Variants in TET2 observed in about 807,000 individuals in gnomAD.
TET2 encodes methylcytosine dioxygenase TET2.
In TET2, 299 loss-of-function variants were observed where a neutral mutation model predicts 142.9. The ratio of observed to expected loss-of-function variants is 2.09; its 90% CI spans 1.90 to 2.30. The LOEUF (loss-of-function observed/expected upper bound fraction) is 2.30, where lower values mean the gene tolerates loss of function less well. Among genes scored for constraint, TET2 ranks in the 30% most tolerant of loss-of-function variants. TET2 has a pLI of 0.00. For missense variants in TET2, 2,418 were observed against 2,378.0 expected (o/e 1.02, Z -0.35); for synonymous variants, 819 against 849.0 (o/e 0.96, Z 0.61).
intron 7 of TET2, among the ~76,000 whole-genome samples, chr4:105,260,695 C>T (rs1365721062): frequency 6.6e-6 from 1 of 152,080 alleles, no homozygotes; most frequent in Non-Finnish European, 1.5e-5. Flanking sequence ...CTTTCACTTA[C>T]TATTATAGTC....
rs1300192339 is a variant in TET2 at position 105,236,120 on chromosome 4, G to A, written c.2178G>A (p.Gln726=). 2.5e-6 allele frequency: 4 copies of A among 1,614,062 alleles called. No homozygotes were observed. The highest frequency in any genetic ancestry group is 3.4e-6 in the Non-Finnish European group (4 of 1,179,996). Residue 726 remains glutamine (Q), a synonymous_variant, in exon 3 of 11, where the codon CAG becomes CAA. Transcript: ENST00000380013. ...SHLLQHKPHK[Q]AAQTQPSQSS... ...TTTTGCAACATAAGCCTCATAAACA[G>A]GCAGCACAAACACAACCATCCCAGA...
At chr4:105,191,771 C>A (rs1164882231) in intron 2 of TET2, among the ~76,000 whole-genome samples, 1 of 152,230 alleles carries the variant, frequency 6.6e-6, no homozygotes, top group East Asian at 1.9e-4. Flanking sequence ...AGACACAGGG[C>A]AAGCGCATCT....
chr4:105,246,131 C>T (rs1049507304), intron 6 of TET2, among the ~76,000 whole-genome samples: 2 of 152,152 alleles, frequency 1.3e-5, no homozygotes, highest in Non-Finnish European at 2.9e-5. Context: ...CCATGTTGGC[C>T]AGATTGATCT....
chr4:105,190,113 C>T (rs537035591), intron 1 of TET2, among the ~76,000 whole-genome samples: 6 of 152,202 alleles, frequency 3.9e-5, no homozygotes, highest in African/African-American at 1.2e-4. Flanking sequence ...TTGATTATTG[C>T]GGTGAAGATG....
chr4:105,194,145 A>G (rs1380963707), intron 2 of TET2, among the ~76,000 whole-genome samples: 1 of 152,164 alleles, frequency 6.6e-6, no homozygotes, highest in East Asian at 1.9e-4. Context: ...AAAAAGTATT[A>G]GTGGTTTGTA....
chr4:105,156,275 G>C (rs913418835), intron 1 of TET2, among the ~76,000 whole-genome samples: 11 of 152,130 alleles, frequency 7.2e-5, no homozygotes, highest in African/African-American at 2.4e-4. Flanking sequence ...ATATTCAAAA[G>C]AAGAAAAATG....
At chr4:105,239,558 C>T (rs922566327) in intron 3 of TET2, 1 of 238,462 alleles carries the variant, frequency 4.2e-6, no homozygotes, top group Non-Finnish European at 8.9e-6. Context: ...CTTCCTCATT[C>T]TCTTCATAGA....
chr4:105,200,874 T>C (rs1726421243), intron 2 of TET2, among the ~76,000 whole-genome samples: 1 of 152,120 alleles, frequency 6.6e-6, no homozygotes, highest in African/African-American at 2.4e-5. Flanking sequence ...TTGGCCAGGA[T>C]GGTCTCTATC....
intron 5 of TET2, 38 bp downstream of exon 5, chr4:105,242,965 T>TG: frequency 6.6e-7 from 1 of 1,507,600 alleles, no homozygotes; most frequent in Non-Finnish European, 9.0e-7. Context: ...TCTTAAATCT[T>TG]GGGCATTTTG....
chr4:105,241,953 TC>T (rs368755200), intron 4 of TET2: 65,865 of 680,414 alleles, frequency 0.097, 240 homozygotes, highest in Middle Eastern at 0.11. Context: ...TTTTTTTTTT[TC>T]GCTATCAATC....
Position 105,272,750 on chromosome 4 carries a change from T to C in TET2, c.4369T>C (p.Leu1457=). Residue 1457 remains leucine, a synonymous_variant, in exon 10 of 11, where the codon TTA becomes CTA. Coordinates refer to ENST00000380013, the MANE Select transcript of TET2 (RefSeq NM_001127208.3). ...TTCTTTTCGGCGAAAAGTCAGGATGTTAGCAGAGCCAGTCAAGACTTGCCG... is the reference window on the plus strand; with the variant it reads ...TTCTTTTCGGCGAAAAGTCAGGATGCTAGCAGAGCCAGTCAAGACTTGCCG... ...LSSFRRKVRM[L]AEPVKTCRQR... is the part of the protein sequence containing the mutation. 6.4e-7 allele frequency: 1 copy of C among 1,551,672 alleles called. No individual in the cohort carries two copies.
chr4:105,236,009 C>G lies in TET2; in HGVS notation c.2067C>G (p.Ser689=). Residue 689 remains serine, a synonymous_variant, in exon 3 of 11, where the codon TCC becomes TCG. Coordinates refer to ENST00000380013, the MANE Select transcript of TET2 (RefSeq NM_001127208.3). The stretch of plus-strand genomic sequence containing the variant: ...TTCATTTTCAACAAAGAGCAGATTC[C>G]CAAACTGAAAAACTTATGTCCCCAG... ...TRFHFQQRAD[S]QTEKLMSPVL... 1 of 1,614,166 alleles carries G rather than the reference C, an allele frequency of 6.2e-7. No individual in the cohort carries two copies. The highest frequency in any genetic ancestry group is 8.5e-7 in the Non-Finnish European group (1 of 1,180,022).
chr4:105,270,895 T>C (rs147253634), intron 9 of TET2, among the ~76,000 whole-genome samples: 193 of 152,280 alleles, frequency 1.3e-3, no homozygotes, highest in African/African-American at 4.5e-3. Context: ...TAAAGTCATA[T>C]TCTAGGGCAG....
intron 2 of TET2, among the ~76,000 whole-genome samples, chr4:105,228,407 T>C (rs1388571641): frequency 6.6e-6 from 1 of 152,154 alleles, no homozygotes; most frequent in Non-Finnish European, 1.5e-5. Context: ...ATGGCCATTG[T>C]GTTTAAAACT....
chr4:105,199,085 AAG>A (rs1252675846), intron 2 of TET2, among the ~76,000 whole-genome samples: 1 of 152,162 alleles, frequency 6.6e-6, no homozygotes, highest in Non-Finnish European at 1.5e-5. Flanking sequence ...TTACTGTAGA[AAG>A]AGAAGTTTGA....
In TET2 at chr4:105,236,813, AC is replaced by A. The variant is rs1560547022; in HGVS notation, c.2872del (p.Gln958ArgfsTer49). On this transcript the variant is annotated frameshift_variant, in exon 3 of 11. Coordinates refer to ENST00000380013, the MANE Select transcript of TET2 (RefSeq NM_001127208.3). LOFTEE classifies it high-confidence loss of function. ...ATGCTGCTCTAAGGTGGCATCTCTTACAGAAGCAAGAACAGCAGCAAACACA... is the reference window on the plus strand; with the variant it reads ...ATGCTGCTCTAAGGTGGCATCTCTTAAGAAGCAAGAACAGCAGCAAACACA... ...KHAALRWHLL[Q>X]KQEQQQTQQP... 1 of 1,614,154 alleles carries A rather than the reference AC, an allele frequency of 6.2e-7. No individual in the cohort carries two copies. The highest frequency in any genetic ancestry group is 8.5e-7 in the Non-Finnish European group (1 of 1,180,006).
intron 1 of TET2, among the ~76,000 whole-genome samples, chr4:105,157,723 C>T (rs1355090299): frequency 6.6e-6 from 1 of 152,144 alleles, no homozygotes; most frequent in Non-Finnish European, 1.5e-5. Context: ...CTTGCCCAGG[C>T]TGGAGTGCAG....
chr4:105,223,985 G>A (rs188336392), intron 2 of TET2, among the ~76,000 whole-genome samples: 115 of 151,932 alleles, frequency 7.6e-4, no homozygotes, highest in Non-Finnish European at 1.3e-3. Context: ...ATATATACTT[G>A]TAGTATTAGG....
chr4:105,199,228 C>T (rs1248403181), intron 2 of TET2, among the ~76,000 whole-genome samples: 1 of 152,132 alleles, frequency 6.6e-6, no homozygotes, highest in African/African-American at 2.4e-5. Flanking sequence ...TGATTACATC[C>T]TTATAGGGCT....
Sources: gnomAD v4.1 joint callset for allele counts (sites outside exome capture counted in the v4.1 genomes callset) on GRCh38, gnomAD v4.1.1 for gene constraint, MANE v1.5 for transcripts, NCBI Gene and HGNC (gene_info 2026-07-23, HGNC 2026-07-21) for gene names.